ASAP1: variants seen among roughly 807,000 people sequenced by gnomAD.
The protein encoded by ASAP1 is arf-GAP with SH3 domain, ANK repeat and PH domain-containing protein 1.
Under a neutral mutation model 145.2 loss-of-function variants are expected in ASAP1, and 43 were observed. That is an observed-to-expected ratio of 0.30 (90% CI 0.23 to 0.38). The LOEUF is 0.38. Ranked by LOEUF, ASAP1 falls within the 10% of genes least tolerant of loss-of-function variation. The probability of loss-of-function intolerance (pLI) is 1.00; values close to 1 mark genes in which losing one functional copy is unlikely to be tolerated. For missense variants in ASAP1, 1,018 were observed against 1,355.3 expected (o/e 0.75, Z 3.91); for synonymous variants, 546 against 515.5 (o/e 1.06, Z -0.80).
At chr8:130,267,138 A>G (rs904546246) in intron 3 of ASAP1, among the ~76,000 whole-genome samples, 9 of 147,726 alleles carry the variant, frequency 6.1e-5, no homozygotes, top group Non-Finnish European at 1.2e-4. Context: ...AAAAAACAAA[A>G]CAAAAAACAA....
chr8:130,063,871 G>A (rs2097424607), intron 27 of ASAP1, among the ~76,000 whole-genome samples: 1 of 152,162 alleles, frequency 6.6e-6, no homozygotes, highest in Non-Finnish European at 1.5e-5. Context: ...CCTGCCTGCT[G>A]GGAGCTCACA....
intron 13 of ASAP1, among the ~76,000 whole-genome samples, chr8:130,142,044 A>G (rs2097613099): frequency 6.6e-6 from 1 of 152,186 alleles, no homozygotes; most frequent in South Asian, 2.1e-4. Context: ...TAAATTAATG[A>G]CTACATTCCA....
At chr8:130,077,657 T>C (rs2097466367) in intron 26 of ASAP1, among the ~76,000 whole-genome samples, 1 of 149,872 alleles carries the variant, frequency 6.7e-6, no homozygotes, top group Non-Finnish European at 1.5e-5. Context: ...GCGATTCTTG[T>C]GCCTCAGCTA....
chr8:130,094,933 C>T (rs1201727196), intron 24 of ASAP1, among the ~76,000 whole-genome samples: 1 of 152,104 alleles, frequency 6.6e-6, no homozygotes, highest in Non-Finnish European at 1.5e-5. Context: ...CAAAAATTGT[C>T]AAAGACAAAA....
chr8:130,165,369 C>A (rs1356431017), intron 11 of ASAP1, among the ~76,000 whole-genome samples: 1 of 152,166 alleles, frequency 6.6e-6, no homozygotes, highest in Non-Finnish European at 1.5e-5. Context: ...AAAAACCTCA[C>A]AATATTCTCC....
At chr8:130,064,892 A>AGT (rs1564918831) in intron 27 of ASAP1, among the ~76,000 whole-genome samples, 29 of 106,022 alleles carry the variant, frequency 2.7e-4, no homozygotes, top group African/African-American at 1.0e-3. Flanking sequence ...GTTTACTAAG[A>AGT]ATGTGTGTGT....
chr8:130,236,880 T>C (rs1565121493), intron 4 of ASAP1, 42 bp downstream of exon 4: 1 of 1,360,076 alleles, frequency 7.4e-7, no homozygotes, highest in Non-Finnish European at 1.0e-6. Context: ...TCTGTAGACA[T>C]TATTTATAAT....
intron 2 of ASAP1, among the ~76,000 whole-genome samples, chr8:130,381,202 T>C (rs1827751781): frequency 6.6e-6 from 1 of 152,126 alleles, no homozygotes; most frequent in South Asian, 2.1e-4. Context: ...ACTTTTTAAA[T>C]ATCTTTTGTA....
intron 24 of ASAP1, among the ~76,000 whole-genome samples, chr8:130,100,183 C>T (rs1250348577): frequency 6.6e-6 from 1 of 152,080 alleles, no homozygotes; most frequent in Non-Finnish European, 1.5e-5. Flanking sequence ...TTTGTTATTT[C>T]TTGTCTTTTT....
chr8:130,340,819 G>C (rs1005346726), intron 3 of ASAP1: 3 of 438,862 alleles, frequency 6.8e-6, no homozygotes, highest in Non-Finnish European at 1.4e-5. Flanking sequence ...ACACTACCAG[G>C]CTCCAAAGAG....
rs1342542853 is a variant in ASAP1 at position 130,134,165 on chromosome 8, A to G, written c.1217+131T>C. On this transcript the variant is annotated intron_variant, in intron 15 of 29. Coordinates refer to ENST00000518721, the MANE Select transcript of ASAP1 (RefSeq NM_018482.4). ...AGAGAAGAGCAACATGTGATGGCCC[A>G]CAGGCGGGAAAGAAGCATGGAGCCA... 4 of 603,788 alleles carry G rather than the reference A, an allele frequency of 6.6e-6. No homozygotes were observed. The African/African-American group carries it at 7.7e-5, about 12-fold the overall frequency. The allele number at this position is 603,788 out of a possible 1,614,324, so 37.4% of individuals were successfully genotyped here. A position where few individuals can be genotyped will look rare whatever the true frequency, so the allele number is the denominator to read the frequency against.
chr8:130,067,617 T>C (rs1045397950), intron 27 of ASAP1, among the ~76,000 whole-genome samples: 7 of 152,158 alleles, frequency 4.6e-5, no homozygotes, highest in African/African-American at 1.7e-4. Context: ...CCCAGGCTGG[T>C]CTCAAACTTC....
intron 27 of ASAP1, among the ~76,000 whole-genome samples, chr8:130,075,319 C>T (rs2097459857): frequency 6.6e-6 from 1 of 152,152 alleles, no homozygotes; most frequent in Non-Finnish European, 1.5e-5. Context: ...TTTGGGAGTC[C>T]CCTCATCTTA....
At chr8:130,442,915 C>T (rs1286016067) in intron 1 of ASAP1, among the ~76,000 whole-genome samples, 1 of 152,132 alleles carries the variant, frequency 6.6e-6, no homozygotes, top group Admixed American at 6.5e-5. Flanking sequence ...GGAGCCAACC[C>T]CAAGCTCCAA....
chr8:130,331,840 G>A (rs1157175912), intron 3 of ASAP1, among the ~76,000 whole-genome samples: 1 of 152,076 alleles, frequency 6.6e-6, no homozygotes, highest in Non-Finnish European at 1.5e-5. Context: ...CATCAAGTGG[G>A]GAGAATGATC....
At chr8:130,230,687 A>C (rs1274142946) in intron 4 of ASAP1, among the ~76,000 whole-genome samples, 1 of 152,176 alleles carries the variant, frequency 6.6e-6, no homozygotes, top group Non-Finnish European at 1.5e-5. Context: ...TGAGAGCTTA[A>C]GAATTGTTAT....
At chr8:130,386,670 C>T (rs1242226592) in intron 2 of ASAP1, 1 of 152,246 alleles carries the variant, frequency 6.6e-6, no homozygotes. Flanking sequence ...AGCGGACTCA[C>T]CTCTGCCGTG....
intron 3 of ASAP1, among the ~76,000 whole-genome samples, chr8:130,288,619 A>C (rs984023277): frequency 4.6e-5 from 7 of 152,324 alleles, no homozygotes; most frequent in Admixed American, 3.9e-4. Flanking sequence ...GAGGACCCAG[A>C]GACAAATGTG....
intron 15 of ASAP1, among the ~76,000 whole-genome samples, chr8:130,134,063 A>G (rs1160113868): frequency 6.6e-6 from 1 of 152,190 alleles, no homozygotes; most frequent in East Asian, 1.9e-4. Flanking sequence ...ATAACCCCAG[A>G]GAGGGTGAGG....
Sources: gnomAD v4.1 joint callset for allele counts (sites outside exome capture counted in the v4.1 genomes callset) on GRCh38, gnomAD v4.1.1 for gene constraint, MANE v1.5 for transcripts, NCBI Gene and HGNC (gene_info 2026-07-23, HGNC 2026-07-21) for gene names.